The following NCOR1 variants were observed in gnomAD, a reference collection of about 807,000 sequenced individuals.
The protein encoded by NCOR1 is protein phosphatase 1, regulatory subunit 109.
In NCOR1, 63 loss-of-function variants were observed where a neutral mutation model predicts 288.1. The observed-to-expected ratio is 0.22, with a 90% CI of 0.18 to 0.27. NCOR1 has a LOEUF of 0.27. Ranked by LOEUF, NCOR1 falls within the 10% of genes least tolerant of loss-of-function variation. NCOR1 has a pLI of 1.00. For missense variants in NCOR1, 2,397 were observed against 3,019.2 expected (o/e 0.79, Z 4.83); for synonymous variants, 1,007 against 1,065.9 (o/e 0.94, Z 1.08).
chr17:16,139,380 C>T (rs2076852018), intron 11 of NCOR1, among the ~76,000 whole-genome samples, 194 bp from the exon 12 acceptor site: 1 of 152,148 alleles, frequency 6.6e-6, no homozygotes, highest in African/African-American at 2.4e-5. Flanking sequence ...ATTACAGAGG[C>T]AGAGAATATC....
intron 5 of NCOR1, among the ~76,000 whole-genome samples, chr17:16,162,231 G>A (rs1304007004): frequency 5.3e-5 from 8 of 152,016 alleles, no homozygotes; most frequent in African/African-American, 1.9e-4. Flanking sequence ...TAAACTGGAA[G>A]ACAGGCTGAA....
chr17:16,200,570 G>A (rs1352755363), intron 1 of NCOR1, among the ~76,000 whole-genome samples: 4 of 148,296 alleles, frequency 2.7e-5, no homozygotes, highest in Non-Finnish European at 4.4e-5. Context: ...CACTTCAGAT[G>A]AGCAAGAATG....
chr17:16,041,477 G>A (rs966886379), intron 42 of NCOR1, among the ~76,000 whole-genome samples: 2 of 135,210 alleles, frequency 1.5e-5, no homozygotes, highest in African/African-American at 5.5e-5. Context: ...GCAATGGCGT[G>A]ATCTAGGCTC....
intron 18 of NCOR1, among the ~76,000 whole-genome samples, chr17:16,112,717 T>C (rs1318730338): frequency 4.6e-5 from 7 of 151,964 alleles, no homozygotes; most frequent in Admixed American, 2.0e-4. Context: ...TCTTGATCTC[T>C]TGAACTCGTG....
chr17:16,075,496 T>C, intron 27 of NCOR1, 38 bp downstream of exon 27: 1 of 1,599,496 alleles, frequency 6.3e-7, no homozygotes, highest in African/African-American at 1.3e-5. Context: ...TTAGCACATA[T>C]TGTAATACTG....
chr17:16,161,167 T>C (rs1235632799), intron 5 of NCOR1, among the ~76,000 whole-genome samples: 2 of 151,834 alleles, frequency 1.3e-5, no homozygotes, highest in East Asian at 3.9e-4. Flanking sequence ...ACTTTGTTCT[T>C]AGTACCCAAA....
chr17:16,120,895 C>A (rs530126009), intron 16 of NCOR1, among the ~76,000 whole-genome samples, 157 bp downstream of exon 16: 8 of 152,004 alleles, frequency 5.3e-5, no homozygotes, highest in Non-Finnish European at 8.8e-5. Context: ...TGTTCTTTTT[C>A]AAAAAACTTT....
At chr17:16,169,720 C>A (rs963349432) in intron 4 of NCOR1, among the ~76,000 whole-genome samples, 1 of 152,158 alleles carries the variant, frequency 6.6e-6, no homozygotes, top group African/African-American at 2.4e-5. Context: ...CACAACACGT[C>A]CCATTTTAAT....
At chr17:16,128,832 A>G (rs1023947090) in intron 14 of NCOR1, among the ~76,000 whole-genome samples, 2 of 152,166 alleles carry the variant, frequency 1.3e-5, no homozygotes, top group Non-Finnish European at 2.9e-5. Flanking sequence ...ACCTCCCCAA[A>G]AGAAGTCCCA....
Position 16,073,424 on chromosome 17 carries a change from T to A in NCOR1, c.3811+5A>T, listed in dbSNP as rs2061998949. The A allele has an allele frequency of 6.3e-7, 1 of 1,577,778 alleles. No individual in the cohort carries two copies. The highest frequency in any genetic ancestry group is 1.9e-5 in the Admixed American group (1 of 53,540). On this transcript the variant is annotated splice_donor_5th_base_variant and intron_variant, in intron 28 of 45. Coordinates refer to ENST00000268712, the MANE Select transcript of NCOR1 (RefSeq NM_006311.4). ...CAAAATAACATTCTGAAAACAATGC[T>A]TTACCCTCTAACGGTGCTGATACAG...
intron 18 of NCOR1, among the ~76,000 whole-genome samples, chr17:16,109,946 C>G (rs553158471): frequency 4.3e-4 from 66 of 152,294 alleles, no homozygotes; most frequent in African/African-American, 1.5e-3. Context: ...CTTGGCCAGG[C>G]TGGTCTTGAA....
intron 21 of NCOR1, among the ~76,000 whole-genome samples, chr17:16,092,682 TATA>T (rs2065530134): frequency 4.8e-5 from 1 of 20,986 alleles, no homozygotes; most frequent in African/African-American, 2.5e-4. Context: ...TATATATATA[TATA>T]TATATATATA....
chr17:16,060,336 G>A (rs932769176), intron 37 of NCOR1, among the ~76,000 whole-genome samples: 4 of 152,324 alleles, frequency 2.6e-5, no homozygotes, highest in Admixed American at 1.3e-4. Context: ...GAAAAGAAAT[G>A]TTTAATCCAA....
At chr17:16,056,165 T>A (rs577239461) in intron 40 of NCOR1, among the ~76,000 whole-genome samples, 1 of 152,272 alleles carries the variant, frequency 6.6e-6, no homozygotes, top group East Asian at 1.9e-4. Flanking sequence ...GGCTGGAGAA[T>A]CACTTCTGCT....
chr17:16,073,690 C>T, intron 27 of NCOR1, 121 bp from the exon 28 acceptor site: 1 of 806,826 alleles, frequency 1.2e-6, no homozygotes, highest in Non-Finnish European at 1.7e-6. Context: ...TCTTAACCTA[C>T]AATAAAATAT....
At chr17:16,092,311 G>A (rs997130464) in intron 21 of NCOR1, among the ~76,000 whole-genome samples, 3 of 151,890 alleles carry the variant, frequency 2.0e-5, no homozygotes, top group African/African-American at 7.3e-5. Flanking sequence ...CTGGTATTTT[G>A]TATCTTTGTA....
Position 16,071,431 on chromosome 17 carries a change from A to G in NCOR1, c.4130T>C (p.Ile1377Thr), listed in dbSNP as rs2152734501. The change falls in exon 30 of 46, where the codon ATA (isoleucine) becomes ACA (threonine). Residue 1377 changes from isoleucine to threonine, a missense_variant. By Grantham distance (89) the Ile-to-Thr change is moderately conservative (BLOSUM62 -1). This residue lies in a region of NCOR1 where 1,872 missense variants were observed against 2,187.8 expected (regional missense o/e 0.86). Coordinates refer to ENST00000268712, the MANE Select transcript of NCOR1 (RefSeq NM_006311.4). ...TACCTGGGAAATGGAACCCTCAATTATCGGCCGTGTGCTCTGGACCACTTC... is the reference window on the plus strand; with the variant it reads ...TACCTGGGAAATGGAACCCTCAATTGTCGGCCGTGTGCTCTGGACCACTTC... ...TPEVVQSTRPIIEGSISQGTP... is the reference protein window; with the variant it reads ...TPEVVQSTRPTIEGSISQGTP... 6.2e-7 allele frequency: 1 copy of G among 1,613,124 alleles called. No homozygotes were observed. The highest frequency in any genetic ancestry group is 2.2e-5 in the East Asian group (1 of 44,858).
chr17:16,201,328 G>C (rs1161818424), intron 1 of NCOR1, among the ~76,000 whole-genome samples: 3 of 152,316 alleles, frequency 2.0e-5, no homozygotes, highest in African/African-American at 7.2e-5. Flanking sequence ...GCCAGGCACA[G>C]TGGCTCACGC....
At position 16,203,071 on chromosome 17, in the gene NCOR1, A is replaced by ACACACT. The variant is rs900762304; in HGVS notation, c.-70-8433_-70-8432insAGTGTG. Among the ~76,000 whole-genome samples the ACACACT allele has an allele frequency of 8.5e-3, 1,213 of 143,056 alleles. 15 individuals carry two copies. The highest frequency in any genetic ancestry group is 0.029 in the African/African-American group (1,144 of 39,408). The allele number at this position is 143,056 out of a possible 152,430, so 93.9% of individuals were successfully genotyped here. The stretch of plus-strand genomic sequence containing the variant: ...CACACACACACACACACACACACAC[A>ACACACT]CTCTGAAGCTTCCCAGGCCTCTCCA... On this transcript the variant is annotated intron_variant, in intron 1 of 45. Coordinates refer to ENST00000268712, the MANE Select transcript of NCOR1 (RefSeq NM_006311.4).
Sources: gnomAD v4.1 joint callset for allele counts (sites outside exome capture counted in the v4.1 genomes callset) on GRCh38, gnomAD v4.1.1 for gene constraint, gnomAD v4.1.1 regional missense constraint, MANE v1.5 for transcripts, NCBI Gene and HGNC (gene_info 2026-07-23, HGNC 2026-07-21) for gene names.